The following ZFAND6 variants were observed in gnomAD, a reference collection of about 807,000 sequenced individuals.
The protein encoded by ZFAND6 is zinc finger AN1-type containing 6, also known as AN1-type zinc finger protein 6.
In ZFAND6, 12 loss-of-function variants were observed where a neutral mutation model predicts 24.5. The ratio of observed to expected loss-of-function variants is 0.49; its 90% CI spans 0.31 to 0.79. The LOEUF (loss-of-function observed/expected upper bound fraction) is 0.79, where lower values mean the gene tolerates loss of function less well. Ranked by LOEUF, ZFAND6 falls within the 30% of genes least tolerant of loss-of-function variation. The pLI, the probability that ZFAND6 is intolerant of heterozygous loss-of-function variation, is 0.04. For missense variants in ZFAND6, 207 were observed against 245.9 expected (o/e 0.84, Z 1.06); for synonymous variants, 92 against 81.5 (o/e 1.13, Z -0.69).
intron 1 of ZFAND6, among the ~76,000 whole-genome samples, chr15:80,084,605 G>T (rs866626570): frequency 6.6e-6 from 1 of 152,220 alleles, no homozygotes; most frequent in African/African-American, 2.4e-5. Flanking sequence ...AAGGCGTTAA[G>T]CCGGGTTGGC....
chr15:80,098,168 A>C (rs1158381394), intron 1 of ZFAND6, among the ~76,000 whole-genome samples: 8 of 152,242 alleles, frequency 5.3e-5, no homozygotes, highest in Non-Finnish European at 1.0e-4. Flanking sequence ...CTTTGGATAA[A>C]ATGATTATAT....
At chr15:80,080,389 C>T (rs1433535120) in intron 1 of ZFAND6, among the ~76,000 whole-genome samples, 1 of 152,032 alleles carries the variant, frequency 6.6e-6, no homozygotes, top group Non-Finnish European at 1.5e-5. Flanking sequence ...GTTTGAAGAC[C>T]CACTGTGGAT....
intron 1 of ZFAND6, among the ~76,000 whole-genome samples, chr15:80,071,571 C>T (rs2036978300): frequency 1.3e-5 from 2 of 151,954 alleles, no homozygotes; most frequent in South Asian, 4.1e-4. Context: ...TATAAAGTGA[C>T]AGTAGGTCTT....
chr15:80,114,964 G>A (rs2039804103), intron 2 of ZFAND6: 1 of 152,098 alleles, frequency 6.6e-6, no homozygotes, highest in Non-Finnish European at 1.5e-5. Flanking sequence ...AGGTTTTCAG[G>A]GATATGATGG....
intron 5 of ZFAND6, among the ~76,000 whole-genome samples, chr15:80,123,717 A>T (rs1249200405): frequency 6.6e-6 from 1 of 152,180 alleles, no homozygotes; most frequent in Admixed American, 6.5e-5. Context: ...AGCCTGGACA[A>T]CAAAAAATTA....
chr15:80,079,911 A>G (rs904066349), intron 1 of ZFAND6, among the ~76,000 whole-genome samples: 11 of 152,038 alleles, frequency 7.2e-5, no homozygotes, highest in Admixed American at 6.5e-5. Flanking sequence ...TCGGCCTCCC[A>G]AAATGCTGGA....
chr15:80,095,105 A>G (rs530303349), intron 1 of ZFAND6, among the ~76,000 whole-genome samples: 1 of 152,224 alleles, frequency 6.6e-6, no homozygotes, highest in Admixed American at 6.5e-5. Flanking sequence ...CCAGAATCCA[A>G]CCCATAATCA....
chr15:80,113,517 G>GA (rs1380876050), intron 2 of ZFAND6, among the ~76,000 whole-genome samples: 1 of 151,910 alleles, frequency 6.6e-6, no homozygotes, highest in Admixed American at 6.6e-5. Flanking sequence ...AGAATGAAGT[G>GA]AAAAAAAGTA....
chr15:80,077,761 G>A (rs192363406), intron 1 of ZFAND6, among the ~76,000 whole-genome samples: 70 of 146,454 alleles, frequency 4.8e-4, no homozygotes, highest in Non-Finnish European at 1.9e-4. Context: ...GCACAGTGGC[G>A]TGATCTCAGT....
At chr15:80,076,116 T>C (rs1414646390) in intron 1 of ZFAND6, among the ~76,000 whole-genome samples, 1 of 152,190 alleles carries the variant, frequency 6.6e-6, no homozygotes, top group South Asian at 2.1e-4. Context: ...TGTTCTTAAC[T>C]CTTCTCTAGA....
chr15:80,077,946 G>T (rs565639326), intron 1 of ZFAND6, among the ~76,000 whole-genome samples: 1 of 151,960 alleles, frequency 6.6e-6, no homozygotes, highest in African/African-American at 2.4e-5. Context: ...TGATCCACCC[G>T]CCTCGGCCTC....
At chr15:80,110,074 G>A (rs2039530803) in intron 2 of ZFAND6, among the ~76,000 whole-genome samples, 1 of 152,168 alleles carries the variant, frequency 6.6e-6, no homozygotes, top group South Asian at 2.1e-4. Context: ...CTGTGAAATG[G>A]CCCTCAGCTT....
intron 2 of ZFAND6, chr15:80,111,703 G>T: frequency 3.8e-6 from 1 of 261,072 alleles, no homozygotes; most frequent in Non-Finnish European, 7.8e-6. Flanking sequence ...TTTGTGCTGT[G>T]GTACTAGTTC....
At chr15:80,086,954 T>G (rs2038042367) in intron 1 of ZFAND6, among the ~76,000 whole-genome samples, 1 of 152,264 alleles carries the variant, frequency 6.6e-6, no homozygotes, top group Non-Finnish European at 1.5e-5. Flanking sequence ...TTTAGCATAA[T>G]GTCTTCAGGG....
At chr15:80,116,881 C>T (rs934620894) in intron 2 of ZFAND6, among the ~76,000 whole-genome samples, 1 of 152,050 alleles carries the variant, frequency 6.6e-6, no homozygotes, top group Non-Finnish European at 1.5e-5. Flanking sequence ...GATTGGATAC[C>T]CTGATATAAA....
At chr15:80,120,250 C>G in intron 2 of ZFAND6, 78 bp from the exon 3 acceptor site, 1 of 1,212,908 alleles carries the variant, frequency 8.2e-7, no homozygotes, top group Non-Finnish European at 1.1e-6. Flanking sequence ...TTTTCTTTAT[C>G]ATATAAAAGC....
intron 2 of ZFAND6, among the ~76,000 whole-genome samples, chr15:80,119,326 G>A (rs2040042059): frequency 1.3e-5 from 2 of 152,056 alleles, no homozygotes; most frequent in Non-Finnish European, 2.9e-5. Flanking sequence ...AATTATGCAA[G>A]TAATATCTTC....
upstream of ZFAND6, among the ~76,000 whole-genome samples, chr15:80,059,272 G>A (rs1481403639): frequency 6.6e-6 from 1 of 152,190 alleles, no homozygotes; most frequent in Non-Finnish European, 1.5e-5. Flanking sequence ...CCAAGACAGG[G>A]ACACGCCATT....
chr15:80,118,966 C>T (rs1266056521), intron 2 of ZFAND6, among the ~76,000 whole-genome samples: 1 of 152,158 alleles, frequency 6.6e-6, no homozygotes, highest in Non-Finnish European at 1.5e-5. Flanking sequence ...AGTGGCAAAA[C>T]ATTTTCCTTC....
Sources: allele counts gnomAD v4.1 joint callset (sites outside exome capture counted in the v4.1 genomes callset), GRCh38; gene constraint gnomAD v4.1.1; transcripts MANE v1.5; gene names NCBI Gene and HGNC (gene_info 2026-07-23, HGNC 2026-07-21).